The following EPHA7 variants were observed in gnomAD, a reference collection of about 807,000 sequenced individuals.
The protein encoded by EPHA7 is ephrin type-A receptor 7.
In EPHA7, 25 loss-of-function variants were observed where a neutral mutation model predicts 112.6. The observed-to-expected ratio is 0.22, with a 90% CI of 0.16 to 0.31. The LOEUF is 0.31. Ranked by LOEUF, EPHA7 falls within the 10% of genes least tolerant of loss-of-function variation. The probability of loss-of-function intolerance (pLI) is 1.00; values close to 1 mark genes in which losing one functional copy is unlikely to be tolerated. For missense variants in EPHA7, 962 were observed against 1,212.6 expected (o/e 0.79, Z 3.07); for synonymous variants, 437 against 406.5 (o/e 1.07, Z -0.90).
intron 11 of EPHA7, 27 bp downstream of exon 11, chr6:93,258,072 T>C (rs753336481): frequency 4.4e-6 from 7 of 1,592,836 alleles, no homozygotes; most frequent in South Asian, 1.1e-5. Context: ...GTCTTTTTGA[T>C]AAAATAAAGA....
chr6:93,381,697 G>A (rs1472573950), intron 3 of EPHA7, among the ~76,000 whole-genome samples: 1 of 150,834 alleles, frequency 6.6e-6, no homozygotes, highest in Non-Finnish European at 1.5e-5. Flanking sequence ...TTACATCCTG[G>A]AATTCTGTGA....
chr6:93,287,728 C>T (rs781218632), intron 5 of EPHA7, among the ~76,000 whole-genome samples: 5 of 151,942 alleles, frequency 3.3e-5, no homozygotes, highest in Admixed American at 6.6e-5. Context: ...GTTGTTCCCT[C>T]TGTGTGTCCA....
At chr6:93,395,874 T>C (rs1387477560) in intron 3 of EPHA7, among the ~76,000 whole-genome samples, 3 of 151,842 alleles carry the variant, frequency 2.0e-5, no homozygotes, top group African/African-American at 4.8e-5. Context: ...TCTCTTTCTA[T>C]CTCTACAACA....
chr6:93,261,706 A>G (rs1770695332), intron 9 of EPHA7, among the ~76,000 whole-genome samples: 1 of 151,524 alleles, frequency 6.6e-6, no homozygotes, highest in Non-Finnish European at 1.5e-5. Context: ...TGAAATTTCA[A>G]TATCTTAAAA....
intron 5 of EPHA7, among the ~76,000 whole-genome samples, chr6:93,318,221 C>T (rs765370800): frequency 7.9e-5 from 12 of 152,246 alleles, no homozygotes; most frequent in Non-Finnish European, 1.6e-4. Context: ...GTGTTAGTTT[C>T]CTTCTCTTGC....
chr6:93,272,295 T>C lies in EPHA7; in HGVS notation c.1449+3A>G. 6.2e-7 allele frequency: 1 copy of C among 1,611,522 alleles called. No individual in the cohort carries two copies. Among genetic ancestry groups the C allele is most frequent in the South Asian group, 1.1e-5 (1 of 91,040 alleles). On this transcript the variant is annotated splice_donor_region_variant and intron_variant, in intron 6 of 16. Transcript: ENST00000369303. ...GTACATTTCAGTTGCTCTTAGCACTTACTTTCTCGTAATACTTGATTTCAT... is the reference window on the plus strand; with the variant it reads ...GTACATTTCAGTTGCTCTTAGCACTCACTTTCTCGTAATACTTGATTTCAT...
chr6:93,390,265 T>C (rs574016734), intron 3 of EPHA7, among the ~76,000 whole-genome samples: 1 of 151,384 alleles, frequency 6.6e-6, no homozygotes, highest in South Asian at 2.1e-4. Flanking sequence ...GAATGAAAGT[T>C]TCAAATTACA....
At chr6:93,255,298 A>C (rs1770390179) in intron 13 of EPHA7, among the ~76,000 whole-genome samples, 1 of 152,126 alleles carries the variant, frequency 6.6e-6, no homozygotes, top group Non-Finnish European at 1.5e-5. Flanking sequence ...CAGTGAGCCA[A>C]GATTGTGCCA....
rs1221628041 is a variant in EPHA7, at chr6:93,243,042, G to A, written c.*384C>T. On this transcript the variant is annotated 3_prime_UTR_variant, in exon 17 of 17. Coordinates refer to ENST00000369303, the MANE Select transcript of EPHA7 (RefSeq NM_004440.4). Reference sequence around the variant, plus strand: ...GAATAGTCTGAAATCACATATTTAAGGAAAATATTTCATTAATTTTAACAA... The same window carrying A: ...GAATAGTCTGAAATCACATATTTAAAGAAAATATTTCATTAATTTTAACAA... The A allele has an allele frequency of 1.3e-5, 3 of 224,694 alleles. No homozygotes were observed. Among genetic ancestry groups the A allele is most frequent in the African/African-American group, 6.7e-5 (3 of 44,788 alleles). 13.9% of individuals were successfully genotyped at this position (224,694 alleles called of 1,614,324 possible).
chr6:93,314,660 A>C lies in EPHA7; in HGVS notation c.1324+42057T>G, dbSNP rs548444978. Among the ~76,000 whole-genome samples, 44 of 152,284 alleles carry C rather than the reference A, an allele frequency of 2.9e-4. 1 individual carries two copies. The highest frequency in any genetic ancestry group is 7.8e-4 in the Admixed American group (12 of 15,290). On this transcript the variant is annotated intron_variant, in intron 5 of 16. Coordinates refer to ENST00000369303, the MANE Select transcript of EPHA7 (RefSeq NM_004440.4). Reference sequence around the variant, plus strand: ...CAACCAATTTTGTGGGAATATAAAAAAATCAAATGTTTACTCAAGAAAACT... The same window carrying C: ...CAACCAATTTTGTGGGAATATAAAACAATCAAATGTTTACTCAAGAAAACT...
At chr6:93,264,096 G>C (rs1417757370) in intron 8 of EPHA7, among the ~76,000 whole-genome samples, 181 bp from the exon 9 acceptor site, 1 of 151,428 alleles carries the variant, frequency 6.6e-6, no homozygotes, top group African/African-American at 2.4e-5. Context: ...CAAACTTTTT[G>C]TGTGAGAAAA....
intron 5 of EPHA7, among the ~76,000 whole-genome samples, chr6:93,340,762 A>G (rs527859529): frequency 6.6e-6 from 1 of 152,090 alleles, no homozygotes; most frequent in Admixed American, 6.6e-5. Flanking sequence ...AGAAATGTTA[A>G]ATGTTTTAGA....
intron 5 of EPHA7, among the ~76,000 whole-genome samples, chr6:93,343,812 T>C (rs1183485397): frequency 1.3e-5 from 2 of 151,642 alleles, no homozygotes; most frequent in Non-Finnish European, 1.5e-5. Context: ...AGGTCAGCTG[T>C]TGTATTTTCA....
At chr6:93,359,029 C>T (rs1386789579) in intron 3 of EPHA7, among the ~76,000 whole-genome samples, 1 of 152,024 alleles carries the variant, frequency 6.6e-6, no homozygotes, top group African/African-American at 2.4e-5. Context: ...TTCTTTGTTA[C>T]TAAAAATAAT....
At chr6:93,268,941 T>C (rs1236434143) in intron 7 of EPHA7, among the ~76,000 whole-genome samples, 2 of 151,774 alleles carry the variant, frequency 1.3e-5, no homozygotes, top group Non-Finnish European at 2.9e-5. Flanking sequence ...AAATATTCCA[T>C]AACAAAAATG....
intron 9 of EPHA7, chr6:93,260,836 AAAG>A (rs1770654823): frequency 1.4e-6 from 1 of 724,948 alleles, no homozygotes; most frequent in South Asian, 6.3e-5. Context: ...TAGAAGGAGA[AAAG>A]AGAGAAGAAG....
intron 3 of EPHA7, among the ~76,000 whole-genome samples, chr6:93,363,717 A>G (rs1486199771): frequency 2.6e-5 from 4 of 152,218 alleles, no homozygotes; most frequent in Non-Finnish European, 4.4e-5. Flanking sequence ...TCCTAGGTAT[A>G]TACTCAAGAT....
At chr6:93,344,317 A>G (rs1008951731) in intron 5 of EPHA7, among the ~76,000 whole-genome samples, 5 of 151,588 alleles carry the variant, frequency 3.3e-5, no homozygotes, top group African/African-American at 4.8e-5. Context: ...GTTCTCAACA[A>G]TGAAATTTGT....
At chr6:93,351,452 T>C (rs911026622) in intron 5 of EPHA7, among the ~76,000 whole-genome samples, 30 of 152,040 alleles carry the variant, frequency 2.0e-4, no homozygotes, top group Non-Finnish European at 3.5e-4. Flanking sequence ...CCCTAACCTC[T>C]TTCAAGAGGT....
Sources: allele counts gnomAD v4.1 joint callset (sites outside exome capture counted in the v4.1 genomes callset), GRCh38; gene constraint gnomAD v4.1.1; transcripts MANE v1.5; gene names NCBI Gene and HGNC (gene_info 2026-07-23, HGNC 2026-07-21).